RPS6KC1: variants seen among roughly 807,000 people sequenced by gnomAD.
RPS6KC1 encodes the protein ribosomal protein S6 kinase C1, also known as inactive ribosomal protein S6 kinase delta-1.
In RPS6KC1, 54 loss-of-function variants were observed where a neutral mutation model predicts 103.8. The ratio of observed to expected loss-of-function variants is 0.52; its 90% confidence interval spans 0.42 to 0.65. The LOEUF is 0.65. Among genes scored for constraint, RPS6KC1 ranks in the 30% least tolerant of loss-of-function variants. The pLI is 0.00. For missense variants in RPS6KC1, 1,151 were observed against 1,253.8 expected (o/e 0.92, Z 1.24); for synonymous variants, 439 against 438.7 (o/e 1.00, Z -0.01).
intron 2 of RPS6KC1, among the ~76,000 whole-genome samples, chr1:213,074,843 ATTTTT>A (rs752747801): frequency 1.8e-4 from 13 of 71,322 alleles, no homozygotes; most frequent in African/African-American, 5.4e-4. Flanking sequence ...ACTAGAATAA[ATTTTT>A]TTTTTTTTTT....
the RPS6KC1 span, among the ~76,000 whole-genome samples, chr1:213,288,422 T>A: frequency 6.6e-6 from 1 of 152,218 alleles, no homozygotes; most frequent in South Asian, 2.1e-4. Context: ...GAACCAACAA[T>A]GGTTTCTGAT....
chr1:213,331,446 G>A, the RPS6KC1 span, among the ~76,000 whole-genome samples: 9 of 152,200 alleles, frequency 5.9e-5, no homozygotes, highest in Non-Finnish European at 1.0e-4. Context: ...TAGTTCTGAC[G>A]AGTCAACGGT....
chr1:213,760,131 GA>G, the RPS6KC1 span, among the ~76,000 whole-genome samples: 1 of 151,944 alleles, frequency 6.6e-6, no homozygotes. Context: ...CCTTCTTCTG[GA>G]AAAAAGGGCT....
At chr1:213,243,288 T>TAA (rs2094396083) in intron 12 of RPS6KC1, among the ~76,000 whole-genome samples, 3 of 149,896 alleles carry the variant, frequency 2.0e-5, no homozygotes, top group South Asian at 2.1e-4. Flanking sequence ...TAAAAAAATT[T>TAA]TTTTTTTTTT....
chr1:213,817,784 G>A, the RPS6KC1 span: 1 of 150,860 alleles, frequency 6.6e-6, no homozygotes, highest in African/African-American at 2.5e-5. Flanking sequence ...ATTGCGTTTT[G>A]CAGATATTAC....
At chr1:213,475,792 G>A in the RPS6KC1 span, among the ~76,000 whole-genome samples, 2 of 152,146 alleles carry the variant, frequency 1.3e-5, no homozygotes, top group African/African-American at 2.4e-5. Flanking sequence ...CTCCATATTG[G>A]CTCTGATGTG....
chr1:213,216,651 C>T (rs2093671122), intron 8 of RPS6KC1, among the ~76,000 whole-genome samples: 1 of 152,128 alleles, frequency 6.6e-6, no homozygotes, highest in Admixed American at 6.5e-5. Context: ...TGTAAAAGAA[C>T]AGAAATTATA....
the RPS6KC1 span, among the ~76,000 whole-genome samples, chr1:213,771,569 G>C: frequency 2.6e-5 from 4 of 152,218 alleles, no homozygotes; most frequent in Non-Finnish European, 5.9e-5. Context: ...CCTGGACCCG[G>C]TTCAGTGGTA....
intron 6 of RPS6KC1, among the ~76,000 whole-genome samples, chr1:213,153,611 CA>C (rs1237004153): frequency 2.0e-5 from 3 of 152,218 alleles, no homozygotes; most frequent in African/African-American, 7.2e-5. Context: ...GTAGTTTACA[CA>C]CCACATTACA....
chr1:213,778,998 T>C, the RPS6KC1 span, among the ~76,000 whole-genome samples: 1 of 151,950 alleles, frequency 6.6e-6, no homozygotes, highest in African/African-American at 2.4e-5. Flanking sequence ...GTCAAGAGAG[T>C]GGTGACCTCC....
At chr1:213,734,464 A>G in the RPS6KC1 span, among the ~76,000 whole-genome samples, 10 of 152,206 alleles carry the variant, frequency 6.6e-5, no homozygotes, top group South Asian at 2.1e-4. Flanking sequence ...GGATTTTGTC[A>G]GTTGTACAGT....
At chr1:213,669,594 A>G in the RPS6KC1 span, among the ~76,000 whole-genome samples, 5 of 152,184 alleles carry the variant, frequency 3.3e-5, no homozygotes, top group African/African-American at 1.2e-4. Flanking sequence ...GAAAAATGGC[A>G]CCGATAGACT....
chr1:213,326,502 GA>G, the RPS6KC1 span, among the ~76,000 whole-genome samples: 1 of 152,150 alleles, frequency 6.6e-6, no homozygotes, highest in Non-Finnish European at 1.5e-5. Flanking sequence ...CTAATCATCT[GA>G]AGGCTGCCAA....
chr1:213,741,161 C>T, the RPS6KC1 span, among the ~76,000 whole-genome samples: 1 of 151,198 alleles, frequency 6.6e-6, no homozygotes, highest in Non-Finnish European at 1.5e-5. Flanking sequence ...TGGGGTACTA[C>T]GTGGTGTTTT....
intron 2 of RPS6KC1, among the ~76,000 whole-genome samples, chr1:213,076,515 G>C (rs2079352904): frequency 6.6e-6 from 1 of 152,164 alleles, no homozygotes; most frequent in African/African-American, 2.4e-5. Flanking sequence ...AGTATCTGAA[G>C]TAATGGGATT....
At chr1:213,703,073 C>A in the RPS6KC1 span, among the ~76,000 whole-genome samples, 1 of 151,890 alleles carries the variant, frequency 6.6e-6, no homozygotes, top group African/African-American at 2.4e-5. Flanking sequence ...GATTTAGTTT[C>A]TTGCTTTTTA....
the RPS6KC1 span, among the ~76,000 whole-genome samples, chr1:213,685,401 C>T: frequency 1.3e-5 from 2 of 152,094 alleles, no homozygotes; most frequent in African/African-American, 2.4e-5. Context: ...GAGGCTGAGG[C>T]GAGAGGATCA....
At chr1:213,477,219 T>C in the RPS6KC1 span, among the ~76,000 whole-genome samples, 2 of 152,212 alleles carry the variant, frequency 1.3e-5, no homozygotes, top group African/African-American at 4.8e-5. Flanking sequence ...AAGTTTTATT[T>C]ATGATCTAAT....
At chr1:213,703,629 GT>G in the RPS6KC1 span, among the ~76,000 whole-genome samples, 2 of 152,092 alleles carry the variant, frequency 1.3e-5, no homozygotes, top group Admixed American at 6.5e-5. Flanking sequence ...TAGGGTAAAA[GT>G]TTTTTCCTTC....
Sources: gnomAD v4.1 joint callset for allele counts (sites outside exome capture counted in the v4.1 genomes callset) on GRCh38, gnomAD v4.1.1 for gene constraint, MANE v1.5 for transcripts, NCBI Gene and HGNC (gene_info 2026-07-23, HGNC 2026-07-21) for gene names.